AUTS2: variants seen among roughly 807,000 people sequenced by gnomAD.
AUTS2 encodes the protein activator of transcription and developmental regulator AUTS2, also known as autism susceptibility gene 2 protein.
In AUTS2, 17 loss-of-function variants were observed where a neutral mutation model predicts 112.4. The ratio of observed to expected loss-of-function variants is 0.15; its 90% CI spans 0.10 to 0.23. The LOEUF (loss-of-function observed/expected upper bound fraction) is 0.23, where lower values mean the gene tolerates loss of function less well. Ranked by LOEUF, AUTS2 falls within the 10% of genes least tolerant of loss-of-function variation. The pLI, the probability that AUTS2 is intolerant of heterozygous loss-of-function variation, is 1.00. For synonymous variants in AUTS2, 751 were observed against 702.7 expected (o/e 1.07, Z -1.09); for missense variants, 1,510 against 1,701.6 (o/e 0.89, Z 1.98).
At chr7:69,954,978 A>G (rs1376472313) in intron 2 of AUTS2, among the ~76,000 whole-genome samples, 1 of 152,348 alleles carries the variant, frequency 6.6e-6, no homozygotes, top group Non-Finnish European at 1.5e-5. Flanking sequence ...TGGAACTTCT[A>G]CATAAATCAA....
At chr7:70,416,705 A>G (rs1795000976) in intron 4 of AUTS2, among the ~76,000 whole-genome samples, 1 of 152,168 alleles carries the variant, frequency 6.6e-6, no homozygotes, top group Non-Finnish European at 1.5e-5. Context: ...AGCTGCTACC[A>G]CAGCCCTGCC....
chr7:70,420,767 A>G (rs1795184844), intron 4 of AUTS2, among the ~76,000 whole-genome samples: 1 of 152,250 alleles, frequency 6.6e-6, no homozygotes, highest in African/African-American at 2.4e-5. Context: ...AAGGCACATC[A>G]GTGATACGGT....
At chr7:70,786,177 C>T in intron 17 of AUTS2, 139 bp downstream of exon 17, 1 of 704,092 alleles carries the variant, frequency 1.4e-6, no homozygotes, top group Non-Finnish European at 2.3e-6. Context: ...AAAAGCAGGC[C>T]TTCACAGTGG....
At chr7:69,806,588 C>T (rs1321914619) in intron 1 of AUTS2, among the ~76,000 whole-genome samples, 1 of 152,070 alleles carries the variant, frequency 6.6e-6, no homozygotes, top group Non-Finnish European at 1.5e-5. Context: ...CACATCTCAG[C>T]CTCCCAAGTA....
intron 4 of AUTS2, among the ~76,000 whole-genome samples, chr7:70,356,464 A>G (rs1298952916): frequency 1.3e-5 from 2 of 152,218 alleles, no homozygotes; most frequent in African/African-American, 4.8e-5. Context: ...TAATCATTTG[A>G]GGAGAAGGAT....
chr7:70,303,062 G>A (rs1789296587), intron 4 of AUTS2, among the ~76,000 whole-genome samples: 1 of 152,034 alleles, frequency 6.6e-6, no homozygotes, highest in Non-Finnish European at 1.5e-5. Flanking sequence ...TCTCATTTAG[G>A]GTTGGAATCT....
intron 4 of AUTS2, among the ~76,000 whole-genome samples, chr7:70,418,751 C>T (rs1191895519): frequency 2.6e-5 from 4 of 151,948 alleles, no homozygotes; most frequent in Non-Finnish European, 2.9e-5. Flanking sequence ...AATATGTAAT[C>T]GTTAAAGATC....
intron 4 of AUTS2, among the ~76,000 whole-genome samples, chr7:70,407,674 T>C (rs1794594508): frequency 1.3e-5 from 2 of 151,936 alleles, no homozygotes; most frequent in African/African-American, 4.8e-5. Context: ...ATCCCAGCAC[T>C]TTGGGAGGCT....
chr7:70,510,909 C>T (rs537953157), intron 5 of AUTS2, among the ~76,000 whole-genome samples: 78 of 152,040 alleles, frequency 5.1e-4, no homozygotes, highest in African/African-American at 1.8e-3. Flanking sequence ...AGTGCGATGG[C>T]GCGATCTTGG....
At chr7:70,425,798 T>C (rs893227647) in intron 4 of AUTS2, among the ~76,000 whole-genome samples, 1 of 152,210 alleles carries the variant, frequency 6.6e-6, no homozygotes, top group African/African-American at 2.4e-5. Context: ...AACACCTGGC[T>C]CATGTATGCT....
intron 2 of AUTS2, among the ~76,000 whole-genome samples, chr7:70,104,680 T>C (rs1489643526): frequency 6.6e-6 from 1 of 152,246 alleles, no homozygotes; most frequent in Non-Finnish European, 1.5e-5. Context: ...CTTGTCTTTT[T>C]TTGAGGGATA....
intron 3 of AUTS2, 53 bp from the exon 4 acceptor site, chr7:70,134,483 C>T (rs1028550032): frequency 1.0e-5 from 16 of 1,525,242 alleles, no homozygotes; most frequent in African/African-American, 9.6e-5. Flanking sequence ...TGGATTGGAA[C>T]GTGTTAAAAA....
rs1791514865 is a variant in AUTS2, at chr7:70,346,743, T to A, written c.661-89009T>A. Among the ~76,000 whole-genome samples, 4 of 152,222 alleles carry A rather than the reference T, an allele frequency of 2.6e-5. 1 individual carries two copies. In the South Asian group the frequency reaches 8.3e-4, roughly 32 times the overall value. On this transcript the variant is annotated intron_variant, in intron 4 of 18. Transcript: ENST00000342771. ...TATTTTTATAATCACCGAACTTTGT[T>A]AGGATGAAGAACTAGAGCACTCACC...
At chr7:70,560,795 CTGAT>C (rs1801455866) in intron 5 of AUTS2, among the ~76,000 whole-genome samples, 1 of 152,132 alleles carries the variant, frequency 6.6e-6, no homozygotes, top group African/African-American at 2.4e-5. Flanking sequence ...ATTTTGTCCT[CTGAT>C]TGAGGACTGA....
At chr7:69,750,616 C>T (rs1026160075) in intron 1 of AUTS2, among the ~76,000 whole-genome samples, 10 of 151,866 alleles carry the variant, frequency 6.6e-5, no homozygotes, top group Admixed American at 3.3e-4. Context: ...CTCACTTAGC[C>T]TCCCAAGTAG....
At chr7:70,236,589 A>G (rs1812341374) in intron 4 of AUTS2, among the ~76,000 whole-genome samples, 1 of 152,290 alleles carries the variant, frequency 6.6e-6, no homozygotes, top group South Asian at 2.1e-4. Context: ...ATCTCAGACT[A>G]TTTCCCACAG....
At chr7:70,712,495 A>G (rs1810114708) in intron 6 of AUTS2, among the ~76,000 whole-genome samples, 1 of 152,052 alleles carries the variant, frequency 6.6e-6, no homozygotes, top group South Asian at 2.1e-4. Flanking sequence ...TTGGGTCTAG[A>G]CCGGTGGTTC....
At chr7:69,645,490 CAG>C (rs1794983816) in intron 1 of AUTS2, among the ~76,000 whole-genome samples, 1 of 152,136 alleles carries the variant, frequency 6.6e-6, no homozygotes, top group Non-Finnish European at 1.5e-5. Flanking sequence ...AGAGAGGAAA[CAG>C]GAATCATAAA....
At chr7:70,253,651 T>TA (rs2129604603) in intron 4 of AUTS2, among the ~76,000 whole-genome samples, 1 of 152,296 alleles carries the variant, frequency 6.6e-6, no homozygotes, top group African/African-American at 2.4e-5. Flanking sequence ...GAGACCATCT[T>TA]ATATTCTCAG....
Sources: allele counts gnomAD v4.1 joint callset (sites outside exome capture counted in the v4.1 genomes callset), GRCh38; gene constraint gnomAD v4.1.1; transcripts MANE v1.5; gene names NCBI Gene and HGNC (gene_info 2026-07-23, HGNC 2026-07-21).